DPH6: variants seen among roughly 807,000 people sequenced by gnomAD.
The protein encoded by DPH6 is diphthamine biosynthesis 6, also known as diphthine--ammonia ligase.
Under a neutral mutation model 38.2 loss-of-function variants are expected in DPH6, and 33 were observed. The ratio of observed to expected loss-of-function variants is 0.86; its 90% CI spans 0.65 to 1.15. DPH6 has a LOEUF of 1.15. Ranked by LOEUF, DPH6 falls within the 50% of genes most tolerant of loss-of-function variation. The pLI is 0.00. For missense variants in DPH6, 325 were observed against 320.0 expected, an observed-to-expected ratio of 1.02 and a Z score of -0.12; for synonymous variants, 108 against 103.0, an observed-to-expected ratio of 1.05 and a Z score of -0.30.
the DPH6 span, among the ~76,000 whole-genome samples, chr15:35,157,019 T>C: frequency 3.3e-5 from 5 of 152,164 alleles, no homozygotes; most frequent in South Asian, 2.1e-4. Context: ...GATTTGTAAA[T>C]TGAACCTTGA....
chr15:35,529,245 A>G (rs2055049955), intron 3 of DPH6, among the ~76,000 whole-genome samples: 1 of 152,142 alleles, frequency 6.6e-6, no homozygotes, highest in Non-Finnish European at 1.5e-5. Flanking sequence ...GCTTCTAGGG[A>G]GGCCTCAGGA....
chr15:35,248,519 C>A (rs574701295), intron 3 of DPH6, among the ~76,000 whole-genome samples: 2 of 152,174 alleles, frequency 1.3e-5, no homozygotes, highest in African/African-American at 4.8e-5. Context: ...ACTATTAGAT[C>A]GTACCATTTT....
chr15:35,156,132 T>C, the DPH6 span, among the ~76,000 whole-genome samples: 1 of 108,382 alleles, frequency 9.2e-6, no homozygotes, highest in African/African-American at 2.5e-5. Context: ...ATTTTTCTCA[T>C]ATTAAATATG....
At chr15:35,378,344 T>C (rs1183120816) in intron 7 of DPH6, among the ~76,000 whole-genome samples, 2 of 152,174 alleles carry the variant, frequency 1.3e-5, no homozygotes, top group Non-Finnish European at 2.9e-5. Flanking sequence ...CTGGAGAGGA[T>C]GTGGAGAAAC....
chr15:35,538,764 C>A (rs1047947111), intron 2 of DPH6, among the ~76,000 whole-genome samples: 3 of 151,784 alleles, frequency 2.0e-5, no homozygotes, highest in Non-Finnish European at 2.9e-5. Flanking sequence ...AGTAATGTAT[C>A]CAATAAATTT....
At chr15:35,240,000 G>A (rs1566847355) in intron 3 of DPH6, among the ~76,000 whole-genome samples, 1 of 141,584 alleles carries the variant, frequency 7.1e-6, no homozygotes, top group East Asian at 2.2e-4. Context: ...CCCCTTCTCC[G>A]TGTCTCTACT....
chr15:35,259,378 A>G (rs1368900187), intron 3 of DPH6, among the ~76,000 whole-genome samples: 1 of 152,184 alleles, frequency 6.6e-6, no homozygotes, highest in African/African-American at 2.4e-5. Context: ...CATGTACACT[A>G]TACTTCCTCC....
chr15:35,412,985 T>C (rs1456031555), intron 5 of DPH6, among the ~76,000 whole-genome samples: 1 of 126,706 alleles, frequency 7.9e-6, no homozygotes, highest in Non-Finnish European at 1.9e-5. Context: ...CTATGAACTT[T>C]GGGTGATTAT....
intron 3 of DPH6, among the ~76,000 whole-genome samples, chr15:35,253,271 C>T (rs2140411084): frequency 6.6e-6 from 1 of 152,304 alleles, no homozygotes; most frequent in East Asian, 1.9e-4. Flanking sequence ...TGGAAAGCAT[C>T]ATCAAGTGAA....
chr15:35,381,811 T>C lies in DPH6; in HGVS notation c.662+11A>G. The C allele has an allele frequency of 6.3e-7, 1 of 1,598,438 alleles. No individual in the cohort carries two copies. The highest frequency in any genetic ancestry group is 1.1e-5 in the South Asian group (1 of 89,970). On this transcript the variant is annotated intron_variant, in intron 7 of 8. Coordinates refer to ENST00000256538, the MANE Select transcript of DPH6 (RefSeq NM_080650.4). Reference sequence around the variant, plus strand: ...ATGGGAAAAAAAGAAAATGCTGAAATGATATCTTACACAATTATTTTCTTC... The same window carrying C: ...ATGGGAAAAAAAGAAAATGCTGAAACGATATCTTACACAATTATTTTCTTC...
chr15:35,270,697 A>C (rs1272197981), intron 3 of DPH6, among the ~76,000 whole-genome samples: 2 of 152,220 alleles, frequency 1.3e-5, no homozygotes, highest in African/African-American at 2.4e-5. Context: ...TATTCCTTTG[A>C]AATGCTCTTG....
intron 5 of DPH6, among the ~76,000 whole-genome samples, chr15:35,427,409 G>A (rs2053583031): frequency 6.6e-6 from 1 of 151,950 alleles, no homozygotes; most frequent in Non-Finnish European, 1.5e-5. Context: ...AATGTATTTG[G>A]AAAACAAGCA....
At chr15:35,291,375 T>G (rs533508349) in intron 3 of DPH6, among the ~76,000 whole-genome samples, 1 of 152,274 alleles carries the variant, frequency 6.6e-6, no homozygotes, top group African/African-American at 2.4e-5. Flanking sequence ...TTCTAAAATC[T>G]ATTATAATAA....
Position 35,401,238 on chromosome 15 carries a change from A to G in DPH6, c.567+9597T>C, listed in dbSNP as rs2053215050. On this transcript the variant is annotated intron_variant, in intron 6 of 8. Coordinates refer to ENST00000256538, the MANE Select transcript of DPH6 (RefSeq NM_080650.4). ...GTGCTTCATCCAGCCAAAGAGGACA[A>G]AGTGGTTCTGGAAACTTTGGTGGTG... 1.3e-5 allele frequency: 14 copies of G among 1,112,084 alleles called. No homozygotes were observed. In the South Asian group the frequency reaches 1.7e-4, roughly 14 times the overall value. 68.9% of individuals were successfully genotyped at this position (1,112,084 alleles called of 1,614,324 possible).
intron 5 of DPH6, among the ~76,000 whole-genome samples, chr15:35,436,251 G>T (rs1330499014): frequency 6.6e-6 from 1 of 151,686 alleles, no homozygotes; most frequent in Admixed American, 6.5e-5. Context: ...CGGATCACGA[G>T]GTCAGGAGAT....
intron 5 of DPH6, among the ~76,000 whole-genome samples, chr15:35,442,693 AAG>A (rs1314743117): frequency 6.6e-6 from 1 of 152,246 alleles, no homozygotes; most frequent in Non-Finnish European, 1.5e-5. Flanking sequence ...TGGCAACAAA[AAG>A]AACTCAATTA....
At chr15:35,445,616 G>A (rs551300241) in intron 5 of DPH6, among the ~76,000 whole-genome samples, 2 of 152,038 alleles carry the variant, frequency 1.3e-5, no homozygotes, top group Admixed American at 6.5e-5. Context: ...AATACATGTA[G>A]CTGTTCATGT....
At chr15:35,204,286 T>C in the DPH6 span, among the ~76,000 whole-genome samples, 2 of 151,812 alleles carry the variant, frequency 1.3e-5, no homozygotes, top group Non-Finnish European at 3.0e-5. Flanking sequence ...ATAAATTTGA[T>C]TAAAGCAAAG....
chr15:35,396,288 C>T (rs1032107320), intron 6 of DPH6: 2 of 152,174 alleles, frequency 1.3e-5, no homozygotes, highest in African/African-American at 4.8e-5. Flanking sequence ...CCATCATGAC[C>T]TCTGGCCATA....
Sources: gnomAD v4.1 joint callset for allele counts (sites outside exome capture counted in the v4.1 genomes callset) on GRCh38, gnomAD v4.1.1 for gene constraint, MANE v1.5 for transcripts, NCBI Gene and HGNC (gene_info 2026-07-23, HGNC 2026-07-21) for gene names.